The following ANKRD44 variants were observed in gnomAD, a reference collection of about 807,000 sequenced individuals.
ANKRD44 encodes the protein ankyrin repeat domain 44.
ANKRD44 carries 35 observed loss-of-function variants against 116.0 expected under a neutral mutation model. The ratio of observed to expected loss-of-function variants is 0.30; its 90% CI spans 0.23 to 0.40. ANKRD44 has a LOEUF of 0.40. ANKRD44 is among the 10% of genes least tolerant of loss of function. The pLI is 1.00. For synonymous variants in ANKRD44, 435 were observed against 461.8 expected (o/e 0.94, Z 0.74); for missense variants, 1,014 against 1,242.6 (o/e 0.82, Z 2.77).
chr2:197,124,993 A>G (rs1410903365), intron 6 of ANKRD44, among the ~76,000 whole-genome samples: 2 of 152,222 alleles, frequency 1.3e-5, no homozygotes, highest in African/African-American at 4.8e-5. Flanking sequence ...TTTCAAAAAT[A>G]TTTATAAATT....
At chr2:197,241,543 T>C (rs965739583) in intron 1 of ANKRD44, among the ~76,000 whole-genome samples, 11 of 152,232 alleles carry the variant, frequency 7.2e-5, no homozygotes, top group Non-Finnish European at 1.3e-4. Context: ...AAGTTTATGG[T>C]AATTTTAATT....
intron 16 of ANKRD44, among the ~76,000 whole-genome samples, chr2:197,044,793 G>C (rs184079236): frequency 6.6e-6 from 1 of 151,802 alleles, no homozygotes. Context: ...CCCTCTATTT[G>C]TAAATAGTTT....
At chr2:197,134,304 T>C (rs1388386798) in intron 4 of ANKRD44, 1 of 152,186 alleles carries the variant, frequency 6.6e-6, no homozygotes, top group Non-Finnish European at 1.5e-5. Flanking sequence ...GATACTAATA[T>C]GAAGACATCA....
intron 12 of ANKRD44, among the ~76,000 whole-genome samples, chr2:197,088,305 T>C (rs2077971654): frequency 6.6e-6 from 1 of 152,214 alleles, no homozygotes. Flanking sequence ...AGGACAAAAA[T>C]GTCTGTAAAT....
chr2:197,052,299 A>G (rs554787375), intron 16 of ANKRD44, among the ~76,000 whole-genome samples: 1 of 152,336 alleles, frequency 6.6e-6, no homozygotes, highest in South Asian at 2.1e-4. Context: ...AAATAACTTT[A>G]CGAATAGCCT....
chr2:197,033,666 C>CTTTT (rs59226408), intron 16 of ANKRD44, among the ~76,000 whole-genome samples: 26 of 144,134 alleles, frequency 1.8e-4, no homozygotes, highest in African/African-American at 5.8e-4. Context: ...GTTGTTGTTG[C>CTTTT]TTTTTTTTTT....
chr2:197,090,040 G>A lies in ANKRD44; in HGVS notation c.1101-8C>T, dbSNP rs762028254. The stretch of plus-strand genomic sequence containing the variant: ...ATGCTATGGATTCCACACCTGAGGA[G>A]TAAGAAAACAGAGCAACTCACGGCA... On this transcript the variant is annotated splice_polypyrimidine_tract_variant and splice_region_variant and intron_variant, in intron 10 of 27. Transcript: ENST00000282272. 1 of 1,611,620 alleles carries A rather than the reference G, an allele frequency of 6.2e-7. No homozygotes were observed. Among genetic ancestry groups the A allele is most frequent in the South Asian group, 1.1e-5 (1 of 90,998 alleles).
chr2:197,125,265 G>T, intron 6 of ANKRD44, 116 bp downstream of exon 6: 1 of 952,824 alleles, frequency 1.0e-6, no homozygotes, highest in Non-Finnish European at 1.6e-6. Context: ...TCATTCAATT[G>T]CAACCCAAGC....
At chr2:197,250,776 T>C (rs548666828) in intron 1 of ANKRD44, 1 of 152,332 alleles carries the variant, frequency 6.6e-6, no homozygotes, top group South Asian at 2.1e-4. Context: ...AGAAATAGGA[T>C]TTAAATCCAG....
intron 1 of ANKRD44, among the ~76,000 whole-genome samples, chr2:197,277,023 G>A (rs1324254587): frequency 4.6e-5 from 7 of 151,082 alleles, no homozygotes; most frequent in African/African-American, 1.2e-4. Flanking sequence ...TGCCTCCCAC[G>A]TTCACGCCAT....
At chr2:197,048,224 T>G (rs1474493021) in intron 16 of ANKRD44, among the ~76,000 whole-genome samples, 2 of 152,150 alleles carry the variant, frequency 1.3e-5, no homozygotes, top group Non-Finnish European at 2.9e-5. Context: ...AGTTCTAGGG[T>G]ACATGTGCAC....
At position 196,997,661 on chromosome 2, in the gene ANKRD44, C is replaced by T. The variant is rs533883395; in HGVS notation, c.2748+676G>A. ...ACAGGGTTTCTCCATTATGGTCAGG[C>T]TGGTCTCGAACTCCCGACCTCAGGT... On this transcript the variant is annotated intron_variant, in intron 25 of 27. Transcript: ENST00000282272. Among the ~76,000 whole-genome samples, 4 of 152,034 alleles carry T rather than the reference C, an allele frequency of 2.6e-5. No homozygotes were observed. In the East Asian group the frequency reaches 7.8e-4, roughly 29 times the overall value.
At chr2:197,199,579 T>C (rs1407626836) in intron 1 of ANKRD44, among the ~76,000 whole-genome samples, 1 of 152,216 alleles carries the variant, frequency 6.6e-6, no homozygotes, top group Non-Finnish European at 1.5e-5. Context: ...TTATTTATTA[T>C]CAGAAAATGG....
At chr2:197,305,051 T>A (rs558263973) in intron 1 of ANKRD44, among the ~76,000 whole-genome samples, 2 of 152,368 alleles carry the variant, frequency 1.3e-5, no homozygotes, top group South Asian at 4.1e-4. Flanking sequence ...GGCTCACGTC[T>A]ATTTGTGGCT....
chr2:197,214,239 C>T (rs1408747257), intron 1 of ANKRD44, among the ~76,000 whole-genome samples: 1 of 151,820 alleles, frequency 6.6e-6, no homozygotes, highest in Non-Finnish European at 1.5e-5. Flanking sequence ...ATCTCAGGGA[C>T]ATAATAAAAT....
At chr2:197,098,378 C>T (rs901565213) in intron 10 of ANKRD44, among the ~76,000 whole-genome samples, 1 of 152,194 alleles carries the variant, frequency 6.6e-6, no homozygotes, top group African/African-American at 2.4e-5. Context: ...ATTTCATGAT[C>T]CCACTGCGTC....
At chr2:197,137,580 G>A (rs1420456378) in intron 3 of ANKRD44, among the ~76,000 whole-genome samples, 1 of 152,214 alleles carries the variant, frequency 6.6e-6, no homozygotes, top group Non-Finnish European at 1.5e-5. Flanking sequence ...CTGGCTAAAA[G>A]TAAATAACAA....
intron 4 of ANKRD44, among the ~76,000 whole-genome samples, chr2:197,130,652 A>C (rs541202344): frequency 6.6e-6 from 1 of 152,350 alleles, no homozygotes; most frequent in African/African-American, 2.4e-5. Context: ...CCTATTCCAG[A>C]TATGACCTAT....
chr2:197,232,682 T>A (rs1173873103), intron 1 of ANKRD44, among the ~76,000 whole-genome samples: 1 of 152,192 alleles, frequency 6.6e-6, no homozygotes, highest in African/African-American at 2.4e-5. Context: ...TTTCAGCCCA[T>A]CCCTCCTAGA....
Sources: gnomAD v4.1 joint callset for allele counts (sites outside exome capture counted in the v4.1 genomes callset) on GRCh38, gnomAD v4.1.1 for gene constraint, MANE v1.5 for transcripts, NCBI Gene and HGNC (gene_info 2026-07-23, HGNC 2026-07-21) for gene names.